FBXL20: variants seen among roughly 807,000 people sequenced by gnomAD.
The protein encoded by FBXL20 is F-box and leucine rich repeat protein 20, also known as F-box/LRR-repeat protein 20.
A neutral mutation model predicts 64.0 loss-of-function variants in FBXL20; 11 were observed. That is an observed-to-expected ratio of 0.17 (90% CI 0.11 to 0.28). The LOEUF is 0.28. Ranked by LOEUF, FBXL20 falls within the 10% of genes least tolerant of loss-of-function variation. FBXL20 has a pLI of 1.00. For missense variants in FBXL20, 303 were observed against 526.2 expected (o/e 0.58, Z 4.15); for synonymous variants, 184 against 189.0 (o/e 0.97, Z 0.22).
rs2046674364 is a variant in FBXL20 at position 39,254,127 on chromosome 17, G to GA, written c.*7332dup. 6 of 152,288 alleles carry GA rather than the reference G, an allele frequency of 3.9e-5. No homozygotes were observed. In the South Asian group the frequency reaches 1.2e-3, roughly 32 times the overall value. The allele number at this position is 152,288 out of a possible 1,614,324, so 9.4% of individuals were successfully genotyped here. On this transcript the variant is annotated 3_prime_UTR_variant, in exon 15 of 15. Transcript: ENST00000264658. The stretch of plus-strand genomic sequence containing the variant: ...GAGTCTCACTCCGTTGCCCAGGCTG[G>GA]AGTGCAGTGGCGTGATCTCGGCTCA...
chr17:39,396,085 AAG>A (rs2048180480), intron 1 of FBXL20, among the ~76,000 whole-genome samples: 1 of 151,658 alleles, frequency 6.6e-6, no homozygotes, highest in Non-Finnish European at 1.5e-5. Context: ...AAAAAAAAAA[AAG>A]GTCTTTATTT....
chr17:39,390,384 A>C (rs1245562241), intron 1 of FBXL20, among the ~76,000 whole-genome samples: 1 of 151,952 alleles, frequency 6.6e-6, no homozygotes, highest in African/African-American at 2.4e-5. Context: ...AACATGGTGA[A>C]ACCCCGTTTC....
intron 11 of FBXL20, among the ~76,000 whole-genome samples, chr17:39,269,294 C>T (rs960586961): frequency 1.3e-5 from 2 of 151,718 alleles, no homozygotes; most frequent in Non-Finnish European, 2.9e-5. Context: ...CCCGGGTTCA[C>T]GCCATTCTCC....
intron 2 of FBXL20, among the ~76,000 whole-genome samples, chr17:39,322,050 C>T (rs1428797076): frequency 6.6e-6 from 1 of 150,380 alleles, no homozygotes; most frequent in Non-Finnish European, 1.5e-5. Context: ...ACCACAAGAC[C>T]AAATGCCTAG....
intron 6 of FBXL20, among the ~76,000 whole-genome samples, chr17:39,288,851 G>A (rs929696633): frequency 6.6e-6 from 1 of 151,968 alleles, no homozygotes. Context: ...TGGGAGGCAC[G>A]TGCCGCCACA....
intron 1 of FBXL20, among the ~76,000 whole-genome samples, chr17:39,348,111 A>T (rs1374671050): frequency 6.9e-6 from 1 of 145,210 alleles, no homozygotes; most frequent in Admixed American, 7.0e-5. Flanking sequence ...GTAGAGAGAG[A>T]GTCTCGCAGG....
At position 39,356,883 on chromosome 17, in the gene FBXL20, TA is replaced by T. The variant is rs1567894356; in HGVS notation, c.43-13643del. 2.6e-5 allele frequency among the ~76,000 whole-genome samples: 4 copies of T among 151,536 alleles called. No homozygotes were observed. In the East Asian group the frequency reaches 5.9e-4, roughly 22 times the overall value. On this transcript the variant is annotated intron_variant, in intron 1 of 14. Transcript: ENST00000264658. ...CTCACTATGTTGCCCAGGCTAGTCT[TA>T]AACTCCTAAACTCAAGAGCTCCTCC... is the stretch of plus-strand genomic sequence containing the variant.
chr17:39,329,202 A>C (rs540794355), intron 2 of FBXL20, among the ~76,000 whole-genome samples: 1 of 152,366 alleles, frequency 6.6e-6, no homozygotes, highest in Non-Finnish European at 1.5e-5. Flanking sequence ...GAGGACAAAC[A>C]GACATCCTAT....
chr17:39,319,673 CAAAAAA>C (rs71300077), intron 2 of FBXL20, among the ~76,000 whole-genome samples: 6 of 47,308 alleles, frequency 1.3e-4, no homozygotes, highest in Non-Finnish European at 2.4e-4. Flanking sequence ...GACTCCATAT[CAAAAAA>C]AAAAAAAAAA....
chr17:39,392,354 C>G (rs1277136180), intron 1 of FBXL20, among the ~76,000 whole-genome samples: 1 of 150,620 alleles, frequency 6.6e-6, no homozygotes, highest in East Asian at 2.0e-4. Context: ...GCACCAGAAT[C>G]ACCTGAACCT....
chr17:39,378,920 C>T (rs1567903260), intron 1 of FBXL20, among the ~76,000 whole-genome samples: 2 of 145,224 alleles, frequency 1.4e-5, no homozygotes, highest in Non-Finnish European at 1.5e-5. Flanking sequence ...CATAGGATGG[C>T]TATAATTTTT....
At chr17:39,370,794 C>CA (rs34338616) in intron 1 of FBXL20, among the ~76,000 whole-genome samples, 2,013 of 75,374 alleles carry the variant, frequency 0.027, 18 homozygotes, top group Non-Finnish European at 0.03. Context: ...GACTCCGTCT[C>CA]AAAAAAAAAA....
At chr17:39,332,607 T>C (rs1311377325) in intron 2 of FBXL20, among the ~76,000 whole-genome samples, 2 of 147,948 alleles carry the variant, frequency 1.4e-5, no homozygotes, top group Admixed American at 6.9e-5. Flanking sequence ...AGTGACGTGA[T>C]CTCGGCTCAC....
chr17:39,286,249 C>T (rs955270926), intron 6 of FBXL20, among the ~76,000 whole-genome samples: 1 of 152,178 alleles, frequency 6.6e-6, no homozygotes, highest in African/African-American at 2.4e-5. Context: ...CAATCTTGCT[C>T]TGTTGCCCAG....
At chr17:39,303,676 T>G in intron 2 of FBXL20, 37 bp from the exon 3 acceptor site, 1 of 1,557,916 alleles carries the variant, frequency 6.4e-7, no homozygotes, top group Non-Finnish European at 8.8e-7. Flanking sequence ...TTTTATTGTA[T>G]GATAAAGTAG....
intron 1 of FBXL20, among the ~76,000 whole-genome samples, chr17:39,398,067 A>G (rs1335198750): frequency 1.8e-5 from 2 of 112,642 alleles, no homozygotes; most frequent in African/African-American, 3.3e-5. Flanking sequence ...TTGGATCACG[A>G]GGTCAGGAGC....
chr17:39,374,780 T>C (rs1302041508), intron 1 of FBXL20, among the ~76,000 whole-genome samples: 1 of 152,090 alleles, frequency 6.6e-6, no homozygotes, highest in Non-Finnish European at 1.5e-5. Flanking sequence ...CTCAAGCTAC[T>C]TTTCTTTTCT....
At chr17:39,282,324 T>C (rs566883798) in intron 8 of FBXL20, among the ~76,000 whole-genome samples, 13 of 152,326 alleles carry the variant, frequency 8.5e-5, no homozygotes, top group African/African-American at 3.1e-4. Context: ...TGCTGTACAC[T>C]TGGCATATTT....
intron 12 of FBXL20, among the ~76,000 whole-genome samples, chr17:39,267,584 C>T (rs1597759745): frequency 1.3e-5 from 2 of 152,116 alleles, no homozygotes; most frequent in African/African-American, 4.8e-5. Context: ...GGGTTATTTT[C>T]CCAAGGGTGG....
Sources: allele counts gnomAD v4.1 joint callset (sites outside exome capture counted in the v4.1 genomes callset), GRCh38; gene constraint gnomAD v4.1.1; transcripts MANE v1.5; gene names NCBI Gene and HGNC (gene_info 2026-07-23, HGNC 2026-07-21).